Variants in NSUN7 observed in about 807,000 individuals in gnomAD.
The protein encoded by NSUN7 is protein NSUN7.
NSUN7 carries 39 observed loss-of-function variants against 58.5 expected under a neutral mutation model. That is an observed-to-expected ratio of 0.67 (90% CI 0.52 to 0.87). NSUN7 has a LOEUF of 0.87. NSUN7 is among the 40% of genes least tolerant of loss of function. NSUN7 has a pLI of 0.00. For synonymous variants in NSUN7, 278 were observed against 303.7 expected (o/e 0.92, Z 0.88); for missense variants, 765 against 844.1 (o/e 0.91, Z 1.16).
At chr4:40,787,393 AAG>A (rs1382305466) in intron 7 of NSUN7, among the ~76,000 whole-genome samples, 1 of 152,004 alleles carries the variant, frequency 6.6e-6, no homozygotes, top group Non-Finnish European at 1.5e-5. Context: ...ATAATTTTAA[AAG>A]AAAATATAAT....
At chr4:40,798,276 C>CA (rs528981956) in intron 9 of NSUN7, among the ~76,000 whole-genome samples, 64 of 152,280 alleles carry the variant, frequency 4.2e-4, no homozygotes, top group African/African-American at 1.4e-3. Context: ...GCCTGTCTGG[C>CA]AGGTGGTAGG....
Position 40,775,990 on chromosome 4 carries a change from A to T in NSUN7, c.826-59A>T. On this transcript the variant is annotated intron_variant, in intron 6 of 11. Transcript: ENST00000381782. This position sits in a 1 kb window ranked among gnomAD's most constrained non-coding sequence, Gnocchi z 4.3. ...CTTTCTTTTATGTAAAGCAAATAGA[A>T]GTCAGCTTATATTTCTAGCCATACC... 1 of 1,081,926 alleles carries T rather than the reference A, an allele frequency of 9.2e-7. No individual in the cohort carries two copies. Among genetic ancestry groups the T allele is most frequent in the Non-Finnish European group, 1.3e-6 (1 of 750,434 alleles). 67.0% of individuals were successfully genotyped at this position (1,081,926 alleles called of 1,614,324 possible).
intron 9 of NSUN7, among the ~76,000 whole-genome samples, chr4:40,797,018 G>A (rs183785297): frequency 4.6e-5 from 7 of 152,172 alleles, no homozygotes; most frequent in African/African-American, 1.7e-4. Flanking sequence ...TGATCCCCAT[G>A]CTGTTGTGTC....
chr4:40,794,175 G>A lies in NSUN7; in HGVS notation c.1181-200G>A, dbSNP rs1161375555. On this transcript the variant is annotated intron_variant, in intron 8 of 11. Coordinates refer to ENST00000381782, the MANE Select transcript of NSUN7 (RefSeq NM_024677.6). ...ATATTTTCAATATTGTTTTTGAAAA[G>A]CAATATTAAAATGAAACAGAATTAA... Among the ~76,000 whole-genome samples, 4 of 152,008 alleles carry A rather than the reference G, an allele frequency of 2.6e-5. No homozygotes were observed. In the East Asian group the frequency reaches 7.7e-4, roughly 29 times the overall value.
chr4:40,799,088 T>TGTTTTG lies in NSUN7; in HGVS notation c.1400+184_1400+185insGTTTTG, dbSNP rs1243940076. On this transcript the variant is annotated intron_variant, in intron 10 of 11. Transcript: ENST00000381782. ...GGGCCTTTTTCTTTTTTTTTTTTTT[T>TGTTTTG]TTTTTTTTTTTTTTAAAGATGGAAT... Among the ~76,000 whole-genome samples the TGTTTTG allele has an allele frequency of 4.9e-4, 69 of 140,812 alleles. 2 individuals are homozygous for TGTTTTG. The highest frequency in any genetic ancestry group is 1.8e-3 in the African/African-American group (67 of 37,582). 92.4% of individuals were successfully genotyped at this position (140,812 alleles called of 152,430 possible).
In NSUN7 at chr4:40,808,567, T is replaced by C. The variant is rs1252130918; in HGVS notation, c.1785T>C (p.Ala595=). Residue 595 remains alanine, a synonymous_variant, in exon 12 of 12, where the codon GCT becomes GCC. Transcript: ENST00000381782. Reference sequence around the variant, plus strand: ...CACCTCTTCCCCAGAAAAATACTGCTCAAGTGGGGGCTTCCTCACAGACCA... The same window carrying C: ...CACCTCTTCCCCAGAAAAATACTGCCCAAGTGGGGGCTTCCTCACAGACCA... The part of the protein sequence containing the change: ...TKPPLPQKNT[A]QVGASSQTRK... 2 of 1,551,544 alleles carry C rather than the reference T, an allele frequency of 1.3e-6. No individual in the cohort carries two copies. The highest frequency in any genetic ancestry group is 2.0e-5 in the Admixed American group (1 of 50,976).
intron 4 of NSUN7, among the ~76,000 whole-genome samples, chr4:40,767,630 T>C (rs1271496649): frequency 6.6e-6 from 1 of 152,126 alleles, no homozygotes; most frequent in Non-Finnish European, 1.5e-5. Flanking sequence ...CTCAAGAGTC[T>C]TCTTAGCTTT....
intron 4 of NSUN7, among the ~76,000 whole-genome samples, chr4:40,769,054 C>T (rs901347305): frequency 7.9e-5 from 12 of 152,304 alleles, no homozygotes; most frequent in Middle Eastern, 3.4e-3. Context: ...CTTTCCTCCC[C>T]TCCCCTGCAC....
At chr4:40,752,304 C>T (rs1039951792) in intron 2 of NSUN7, among the ~76,000 whole-genome samples, 4 of 152,162 alleles carry the variant, frequency 2.6e-5, no homozygotes, top group African/African-American at 4.8e-5. Flanking sequence ...CAGCCAGATG[C>T]GGTGGCTTAC....
chr4:40,808,802 C>T lies in NSUN7; in HGVS notation c.2020C>T (p.His674Tyr). The change falls in exon 12 of 12, where the codon CAT becomes TAT. Residue 674 changes from histidine (H) to tyrosine (Y), a missense_variant. His to Tyr is a moderately conservative substitution (Grantham distance 83). Transcript: ENST00000381782. ...QGIRSRMPTQ[H>Y]LYCRWVAPKA... ...GATCAGATCTCGGATGCCAACTCAA[C>T]ATTTGTACTGTCGTTGGGTTGCACC... is the stretch of plus-strand genomic sequence containing the variant. 2 of 1,548,936 alleles carry T rather than the reference C, an allele frequency of 1.3e-6. No individual in the cohort carries two copies. Among genetic ancestry groups the T allele is most frequent in the East Asian group, 2.4e-5 (1 of 40,862 alleles).
rs116102104 is a variant in NSUN7, at chr4:40,803,747, G to C, written c.1401-3314G>C. On this transcript the variant is annotated intron_variant, in intron 10 of 11. Transcript: ENST00000381782. ...CACCATTAACTTTTGTATATGATAA[G>C]AGTTAGGAGTCCAAATTCCTTCTTT... 3.5e-3 allele frequency among the ~76,000 whole-genome samples: 526 copies of C among 152,302 alleles called. 3 individuals carry two copies. Among genetic ancestry groups the C allele is most frequent in the African/African-American group, 0.012 (508 of 41,570 alleles).
rs1357569749 is a variant in NSUN7 at position 40,808,664 on chromosome 4, C to T, written c.1882C>T (p.Arg628Cys). Reference sequence around the variant, plus strand: ...GAAGAACACTTGTCCCTCCAGACCGCGTGAACGGCAGACACACTTCTTAAG... The same window carrying T: ...GAAGAACACTTGTCCCTCCAGACCGTGTGAACGGCAGACACACTTCTTAAG... ...FVKNTCPSRP[R>C]ERQTHFLRPR... The change falls in exon 12 of 12, where the codon CGT becomes TGT. Residue 628 changes from arginine to cysteine, a missense_variant. Transcript: ENST00000381782. The T allele has an allele frequency of 5.8e-6, 9 of 1,551,684 alleles. No homozygotes were observed. The highest frequency in any genetic ancestry group is 3.9e-5 in the Admixed American group (2 of 50,952).
At chr4:40,754,515 G>C (rs1302799909) in intron 2 of NSUN7, among the ~76,000 whole-genome samples, 1 of 152,122 alleles carries the variant, frequency 6.6e-6, no homozygotes, top group Non-Finnish European at 1.5e-5. Context: ...TGTATTATCA[G>C]TGTTCTGTCA....
intron 4 of NSUN7, among the ~76,000 whole-genome samples, chr4:40,772,414 A>AT (rs951925286): frequency 6.6e-6 from 1 of 152,130 alleles, no homozygotes; most frequent in Admixed American, 6.5e-5. Context: ...GTACTATGTC[A>AT]TTTTTTTAGT....
chr4:40,764,883 G>T (rs1741640867), intron 4 of NSUN7, among the ~76,000 whole-genome samples: 1 of 152,122 alleles, frequency 6.6e-6, no homozygotes, highest in Non-Finnish European at 1.5e-5. Flanking sequence ...GTCTTCTTTT[G>T]AGAAGTGTCT....
chr4:40,762,506 T>G (rs1156509413), intron 4 of NSUN7: 2 of 152,214 alleles, frequency 1.3e-5, no homozygotes, highest in African/African-American at 4.8e-5. Context: ...TAGCTTACAT[T>G]TATTGAGCAC....
chr4:40,776,345 G>T, intron 7 of NSUN7, 86 bp downstream of exon 7: 1 of 920,270 alleles, frequency 1.1e-6, no homozygotes, highest in East Asian at 2.5e-5. Context: ...TAGTTTTTTT[G>T]TAATGTAAAA....
rs926849759 is a variant in NSUN7, at chr4:40,810,829, G to C, written c.*1890G>C. On this transcript the variant is annotated 3_prime_UTR_variant, in exon 12 of 12. Transcript: ENST00000381782. ...GATTTCTATCTGGTTGGTTAGGGTA[G>C]TCCATGCCTCAAGGAAGGCGGTGCA... 2.6e-5 allele frequency: 4 copies of C among 152,176 alleles called. No individual in the cohort carries two copies. The highest frequency in any genetic ancestry group is 9.7e-5 in the African/African-American group (4 of 41,436). The allele number at this position is 152,176 out of a possible 1,614,324, so 9.4% of individuals were successfully genotyped here.
chr4:40,783,300 C>T (rs746826410), intron 7 of NSUN7, among the ~76,000 whole-genome samples: 1 of 152,198 alleles, frequency 6.6e-6, no homozygotes, highest in South Asian at 2.1e-4. Context: ...GCTGGGACAA[C>T]GGGATAGGCA....
Sources: gnomAD v4.1 joint callset for allele counts (sites outside exome capture counted in the v4.1 genomes callset) on GRCh38, gnomAD v4.1.1 for gene constraint, Gnocchi (gnomAD v3.1) non-coding constraint, MANE v1.5 for transcripts, NCBI Gene and HGNC (gene_info 2026-07-23, HGNC 2026-07-21) for gene names.